PRSS50: variants seen among roughly 807,000 people sequenced by gnomAD.
PRSS50 encodes the protein serine protease 50.
PRSS50 carries 23 observed loss-of-function variants against 34.2 expected under a neutral mutation model. The ratio of observed to expected loss-of-function variants is 0.67; its 90% CI spans 0.48 to 0.95. The LOEUF is 0.95. Among genes scored for constraint, PRSS50 ranks in the 40% least tolerant of loss-of-function variants. The pLI is 0.00. For synonymous variants in PRSS50, 224 were observed against 211.2 expected (o/e 1.06, Z -0.53); for missense variants, 484 against 513.4 (o/e 0.94, Z 0.55).
rs564584631 is a variant in PRSS50 at position 46,716,466 on chromosome 3, G to T, written c.308-769C>A. Among the ~76,000 whole-genome samples, 1 of 152,244 alleles carries T rather than the reference G, an allele frequency of 6.6e-6. No individual in the cohort carries two copies. The highest frequency in any genetic ancestry group is 2.1e-4 in the South Asian group (1 of 4,824). The stretch of plus-strand genomic sequence containing the variant: ...TTTTGGAGAGATAGAGTCCCACTAT[G>T]TTGCCCAGGCAGGTCTCAAACTCCT... On this transcript the variant is annotated intron_variant, in intron 2 of 5. Coordinates refer to ENST00000315170, the MANE Select transcript of PRSS50 (RefSeq NM_013270.5). This position sits in a 1 kb window ranked among gnomAD's most constrained non-coding sequence, Gnocchi z 4.4.
rs1302691111 is a variant in PRSS50 at position 46,714,288 on chromosome 3, A to G, written c.684T>C (p.Pro228=). 6.2e-7 allele frequency: 1 copy of G among 1,614,060 alleles called. No individual in the cohort carries two copies. Among genetic ancestry groups the G allele is most frequent in the Non-Finnish European group, 8.5e-7 (1 of 1,180,058 alleles). The change falls in exon 4 of 6, where the codon CCT becomes CCC. Residue 228 remains proline, a synonymous_variant. Transcript: ENST00000315170. ...YSNYVRPICL[P]GTDYVLKDHS... is the part of the protein sequence containing the mutation. ...GGTCCTTCAACACATAGTCCGTGCC[A>G]GGCAGGCAGATGGGCCGCACGTAAT...
chr3:46,712,558 G>A (rs1700634117), intron 5 of PRSS50, 76 bp from the exon 6 acceptor site: 2 of 1,381,240 alleles, frequency 1.4e-6, no homozygotes, highest in African/African-American at 2.9e-5. Context: ...AGGACAGGCG[G>A]GATGTCCTCA....
intron 4 of PRSS50, 136 bp from the exon 5 acceptor site, chr3:46,713,203 C>CTAGATGGGTATGGGCTAGA: frequency 9.1e-7 from 1 of 1,100,356 alleles, no homozygotes; most frequent in Non-Finnish European, 1.3e-6. Flanking sequence ...CGTTCTAGCC[C>CTAGATGGGTATGGGCTAGA]ATACCCATCT....
At position 46,714,495 on chromosome 3, in the gene PRSS50, A is replaced by C; in HGVS notation, c.477T>G (p.Asp159Glu). 6.3e-7 allele frequency: 1 copy of C among 1,590,640 alleles called. No individual in the cohort carries two copies. The highest frequency in any genetic ancestry group is 2.3e-5 in the East Asian group (1 of 44,072). The change falls in exon 4 of 6, where the codon GAT becomes GAG. Residue 159 changes from aspartate to glutamate, a missense_variant. Transcript: ENST00000315170. ...LTVAHCLIWR[D>E]VIYSVRVGSP... Reference sequence around the variant, plus strand: ...TCCCCACCCTCACTGAGTAGATAACATCACGCCTAGGGGGGCCGTGAGGGG... The same window carrying C: ...TCCCCACCCTCACTGAGTAGATAACCTCACGCCTAGGGGGGCCGTGAGGGG...
Position 46,716,794 on chromosome 3 carries a change from G to A in PRSS50, c.307+643C>T, listed in dbSNP as rs1700689748. ...TTCCTAGTGTTTTCCAAATGGATTC[G>A]TGGATTGTAAATGTAAGTGGGCCGT... On this transcript the variant is annotated intron_variant, in intron 2 of 5. Coordinates refer to ENST00000315170, the MANE Select transcript of PRSS50 (RefSeq NM_013270.5). This position sits in a 1 kb window ranked among gnomAD's most constrained non-coding sequence, Gnocchi z 4.4. 6.6e-6 allele frequency among the ~76,000 whole-genome samples: 1 copy of A among 152,212 alleles called. No individual in the cohort carries two copies. Among genetic ancestry groups the A allele is most frequent in the Non-Finnish European group, 1.5e-5 (1 of 68,038 alleles).
chr3:46,717,655 C>T lies in PRSS50; in HGVS notation c.107-18G>A, dbSNP rs1320673252. On this transcript the variant is annotated intron_variant, in intron 1 of 5. Coordinates refer to ENST00000315170, the MANE Select transcript of PRSS50 (RefSeq NM_013270.5). The surrounding 1 kb of genome is among the most constrained non-coding windows in gnomAD (Gnocchi z 4.5). ...CCAGCAACCTGCGGAGGACGTCGAG[C>T]GGATTAGAGGTGGAAGGCGAGGGCC... The T allele has an allele frequency of 6.2e-7, 1 of 1,609,986 alleles. No individual in the cohort carries two copies. Among genetic ancestry groups the T allele is most frequent in the Non-Finnish European group, 8.5e-7 (1 of 1,178,294 alleles).
chr3:46,714,373 C>G lies in PRSS50; in HGVS notation c.599G>C (p.Trp200Ser). Reference sequence around the variant, plus strand: ...GCCGATGTCGTTGGCCTGGCCCACCCAGGACCAGAACCGCTGGGCCCGGTA... The same window carrying G: ...GCCGATGTCGTTGGCCTGGCCCACCGAGGACCAGAACCGCTGGGCCCGGTA... Reference protein sequence around the residue: ...SRYRAQRFWSWVGQANDIGLL... With the variant: ...SRYRAQRFWSSVGQANDIGLL... The change falls in exon 4 of 6, where the codon TGG becomes TCG. Residue 200 changes from tryptophan to serine, a missense_variant. Physicochemically the swap from Trp to Ser is radical, Grantham distance 177. Coordinates refer to ENST00000315170, the MANE Select transcript of PRSS50 (RefSeq NM_013270.5). 6.2e-7 allele frequency: 1 copy of G among 1,613,994 alleles called. No homozygotes were observed. Among genetic ancestry groups the G allele is most frequent in the Non-Finnish European group, 8.5e-7 (1 of 1,180,002 alleles).
Position 46,715,722 on chromosome 3 carries a change from T to A in PRSS50, c.308-25A>T. The A allele has an allele frequency of 6.4e-7, 1 of 1,559,702 alleles. No homozygotes were observed. On this transcript the variant is annotated intron_variant, in intron 2 of 5. Coordinates refer to ENST00000315170, the MANE Select transcript of PRSS50 (RefSeq NM_013270.5). The surrounding 1 kb of genome is among the most constrained non-coding windows in gnomAD (Gnocchi z 5.2). ...GCTGAGGAGGAAGGTGAGAGCTTGA[T>A]GAGGGATGGATCTTTCCCTGTCCCT... is the stretch of plus-strand genomic sequence containing the variant.
chr3:46,715,757 C>G lies in PRSS50; in HGVS notation c.308-60G>C, dbSNP rs181341143. ...ATCTTTCCCTGTCCCTCCCCTCCCC[C>G]AGCCTGACCTCGTGCCTCTCCAGCC... is the stretch of plus-strand genomic sequence containing the variant. On this transcript the variant is annotated intron_variant, in intron 2 of 5. Transcript: ENST00000315170. The surrounding 1 kb of genome is among the most constrained non-coding windows in gnomAD (Gnocchi z 5.2). The G allele has an allele frequency of 6.7e-7, 1 of 1,501,258 alleles. No homozygotes were observed. The allele number at this position is 1,501,258 out of a possible 1,614,324, so 93.0% of individuals were successfully genotyped here.
chr3:46,715,423 G>C lies in PRSS50; in HGVS notation c.470+112C>G, dbSNP rs1377034254. 24 of 1,391,610 alleles carry C rather than the reference G, an allele frequency of 1.7e-5. No homozygotes were observed. Among genetic ancestry groups the C allele is most frequent in the Non-Finnish European group, 2.3e-5 (24 of 1,030,522 alleles). The allele number at this position is 1,391,610 out of a possible 1,614,324, so 86.2% of individuals were successfully genotyped here. A position where few individuals can be genotyped will look rare whatever the true frequency, so the allele number is the denominator to read the frequency against. The stretch of plus-strand genomic sequence containing the variant: ...TCAGCCTCCACCTGCTTGGAGCCCA[G>C]ATGAGGCTGGGGCTGGGACTGTGGG... On this transcript the variant is annotated intron_variant, in intron 3 of 5. Transcript: ENST00000315170. This position sits in a 1 kb window ranked among gnomAD's most constrained non-coding sequence, Gnocchi z 5.2.
chr3:46,713,528 A>G (rs1700644982), intron 4 of PRSS50, among the ~76,000 whole-genome samples: 1 of 152,214 alleles, frequency 6.6e-6, no homozygotes, highest in African/African-American at 2.4e-5. Context: ...GGGAGACAGG[A>G]GACAGGCCAC....
At chr3:46,714,715 A>G (rs1700658893) in intron 3 of PRSS50, among the ~76,000 whole-genome samples, 1 of 152,088 alleles carries the variant, frequency 6.6e-6, no homozygotes, top group East Asian at 1.9e-4. Context: ...CATTTTATGG[A>G]GGGGGAAACT....
Position 46,717,447 on chromosome 3 carries a change from G to C in PRSS50, c.297C>G (p.Asp99Glu). 6.2e-7 allele frequency: 1 copy of C among 1,613,978 alleles called. No homozygotes were observed. The highest frequency in any genetic ancestry group is 8.5e-7 in the Non-Finnish European group (1 of 1,180,006). ...TQFPVSEGKV[D>E]PYRSCGFSYE... is the part of the protein sequence containing the mutation. ...ACCCCTGGTACTCACAGCGGTATGGGTCGACTTTGCCTTCAGAAACTGGGA... is the reference window on the plus strand; with the variant it reads ...ACCCCTGGTACTCACAGCGGTATGGCTCGACTTTGCCTTCAGAAACTGGGA... The change falls in exon 2 of 6, where the codon GAC becomes GAG. Residue 99 changes from aspartate to glutamate, a missense_variant. By Grantham distance (45) the Asp-to-Glu change is conservative. Transcript: ENST00000315170. This position sits in a 1 kb window ranked among gnomAD's most constrained non-coding sequence, Gnocchi z 4.5.
intron 3 of PRSS50, among the ~76,000 whole-genome samples, 174 bp from the exon 4 acceptor site, chr3:46,714,675 TCA>T (rs1432520718): frequency 6.6e-6 from 1 of 151,946 alleles, no homozygotes; most frequent in Non-Finnish European, 1.5e-5. Flanking sequence ...CCCTGCACAC[TCA>T]CTGTGTGGTC....
Position 46,717,446 on chromosome 3 carries a change from G to A in PRSS50, c.298C>T (p.Pro100Ser), listed in dbSNP as rs1700697632. The change falls in exon 2 of 6, where the codon CCA (proline) becomes TCA (serine). Residue 100 changes from proline (P) to serine (S), a missense_variant. Coordinates refer to ENST00000315170, the MANE Select transcript of PRSS50 (RefSeq NM_013270.5). The surrounding 1 kb of genome is among the most constrained non-coding windows in gnomAD (Gnocchi z 4.5). Reference protein sequence around the residue: ...QFPVSEGKVDPYRSCGFSYEQ... With the variant: ...QFPVSEGKVDSYRSCGFSYEQ... ...CACCCCTGGTACTCACAGCGGTATG[G>A]GTCGACTTTGCCTTCAGAAACTGGG... 1 of 1,613,990 alleles carries A rather than the reference G, an allele frequency of 6.2e-7. No individual in the cohort carries two copies. Among genetic ancestry groups the A allele is most frequent in the Non-Finnish European group, 8.5e-7 (1 of 1,179,994 alleles).
Position 46,715,645 on chromosome 3 carries a change from C to T in PRSS50, c.360G>A (p.Val120=). The stretch of plus-strand genomic sequence containing the variant: ...TGACCATCCAGGGCCACCGCCGAGC[C>T]ACGGCTTCTGGGTCCCTGAGGGTGG... ...QDPTLRDPEA[V]ARRWPWMVSV... is the part of the protein sequence containing the mutation. The change falls in exon 3 of 6, where the codon GTG becomes GTA. Residue 120 remains valine, a synonymous_variant. Coordinates refer to ENST00000315170, the MANE Select transcript of PRSS50 (RefSeq NM_013270.5). The surrounding 1 kb of genome is among the most constrained non-coding windows in gnomAD (Gnocchi z 5.2). 2 of 1,612,220 alleles carry T rather than the reference C, an allele frequency of 1.2e-6. No individual in the cohort carries two copies. The highest frequency in any genetic ancestry group is 2.2e-5 in the East Asian group (1 of 44,784).
In PRSS50 at chr3:46,712,432, C is replaced by A. The variant is rs1700632521; in HGVS notation, c.972G>T (p.Leu324=). ...CTGCACCCCAGCTCACCAATCCCAC[C>A]AGGTACCACGTGCCCTCCATGGAGC... The part of the protein sequence containing the change: ...LVCSMEGTWY[L]VGLVSWGAGC... The change falls in exon 6 of 6, where the codon CTG becomes CTT. Residue 324 remains leucine, a synonymous_variant. Transcript: ENST00000315170. 6 of 1,614,124 alleles carry A rather than the reference C, an allele frequency of 3.7e-6. No individual in the cohort carries two copies. The highest frequency in any genetic ancestry group is 1.3e-5 in the African/African-American group (1 of 75,032).
Position 46,714,244 on chromosome 3 carries a change from G to C in PRSS50, c.728C>G (p.Thr243Arg), listed in dbSNP as rs149792396. 1 of 1,614,080 alleles carries C rather than the reference G, an allele frequency of 6.2e-7. No individual in the cohort carries two copies. Among genetic ancestry groups the C allele is most frequent in the Non-Finnish European group, 8.5e-7 (1 of 1,180,020 alleles). The change falls in exon 4 of 6, where the codon ACG becomes AGG. Residue 243 changes from threonine to arginine, a missense_variant. Transcript: ENST00000315170. ...VLKDHSRCTV[T>R]GWGLSKADGM... The stretch of plus-strand genomic sequence containing the variant: ...GTCAGCCTTGGAAAGTCCCCAGCCC[G>C]TCACAGTGCAGCGGGAATGGTCCTT...
Position 46,715,722 on chromosome 3 carries a change from T to G in PRSS50, c.308-25A>C. On this transcript the variant is annotated intron_variant, in intron 2 of 5. Transcript: ENST00000315170. This position sits in a 1 kb window ranked among gnomAD's most constrained non-coding sequence, Gnocchi z 5.2. ...GCTGAGGAGGAAGGTGAGAGCTTGA[T>G]GAGGGATGGATCTTTCCCTGTCCCT... 6.4e-7 allele frequency: 1 copy of G among 1,559,702 alleles called. No homozygotes were observed.
Sources: allele counts gnomAD v4.1 joint callset (sites outside exome capture counted in the v4.1 genomes callset), GRCh38; gene constraint gnomAD v4.1.1; non-coding constraint Gnocchi (gnomAD v3.1); transcripts MANE v1.5; gene names NCBI Gene and HGNC (gene_info 2026-07-23, HGNC 2026-07-21).